The following ADGRG7 variants were observed in gnomAD, a reference collection of about 807,000 sequenced individuals.
The protein encoded by ADGRG7 is G-protein coupled receptor 128.
In ADGRG7, 82 loss-of-function variants were observed where a neutral mutation model predicts 88.6. The observed-to-expected ratio is 0.93, with a 90% CI of 0.77 to 1.11. The LOEUF (loss-of-function observed/expected upper bound fraction) is 1.11. Among genes scored for constraint, ADGRG7 ranks in the 50% most tolerant of loss-of-function variants. The pLI, the probability that ADGRG7 is intolerant of heterozygous loss-of-function variation, is 0.00. For missense variants in ADGRG7, 945 were observed against 953.4 expected, an observed-to-expected ratio of 0.99 and a Z score of 0.12; for synonymous variants, 381 against 345.2, an observed-to-expected ratio of 1.10 and a Z score of -1.15.
chr3:100,635,248 G>A (rs1257737913), intron 4 of ADGRG7, among the ~76,000 whole-genome samples: 3 of 151,808 alleles, frequency 2.0e-5, no homozygotes, highest in East Asian at 3.9e-4. Flanking sequence ...ATAAATTACT[G>A]GAAAAATGAA....
chr3:100,684,901 C>T (rs1438797720), intron 15 of ADGRG7, among the ~76,000 whole-genome samples: 2 of 152,002 alleles, frequency 1.3e-5, no homozygotes, highest in East Asian at 1.9e-4. Context: ...AGTTTAACTG[C>T]TTCTTGCAGT....
At chr3:100,626,144 G>A (rs1559671713) in intron 1 of ADGRG7, among the ~76,000 whole-genome samples, 1 of 152,074 alleles carries the variant, frequency 6.6e-6, no homozygotes. Flanking sequence ...GTGGTCCTGG[G>A]CTTTTTTTGG....
chr3:100,662,808 G>C (rs1459841904), intron 14 of ADGRG7, among the ~76,000 whole-genome samples: 1 of 151,418 alleles, frequency 6.6e-6, no homozygotes, highest in African/African-American at 2.4e-5. Flanking sequence ...CTGGAATTAT[G>C]AAAAAAACAA....
intron 1 of ADGRG7, among the ~76,000 whole-genome samples, chr3:100,618,021 G>C (rs1707250473): frequency 6.6e-6 from 1 of 152,208 alleles, no homozygotes; most frequent in Non-Finnish European, 1.5e-5. Flanking sequence ...CTTCTGTCGA[G>C]AAGTGTCTGT....
chr3:100,687,857 G>A (rs1290122087), intron 15 of ADGRG7, among the ~76,000 whole-genome samples: 1 of 152,108 alleles, frequency 6.6e-6, no homozygotes. Context: ...TTGTGTCTCT[G>A]CCAGGCTTTG....
intron 1 of ADGRG7, among the ~76,000 whole-genome samples, chr3:100,618,561 G>A (rs1707259916): frequency 6.6e-6 from 1 of 152,114 alleles, no homozygotes; most frequent in African/African-American, 2.4e-5. Context: ...GCTCTTTTCT[G>A]TTCCATTGTT....
rs118030308 is a variant in ADGRG7 at position 100,694,165 on chromosome 3, G to A, written c.2137-579G>A. Among the ~76,000 whole-genome samples, 86 of 152,336 alleles carry A rather than the reference G, an allele frequency of 5.6e-4. No individual in the cohort carries two copies. In the East Asian group the frequency reaches 0.014, roughly 24 times the overall value. On this transcript the variant is annotated intron_variant, in intron 15 of 15. Coordinates refer to ENST00000273352, the MANE Select transcript of ADGRG7 (RefSeq NM_032787.3). Reference sequence around the variant, plus strand: ...TCAAATGATGAGGATTAAGTGAAAAGCAAGGGTCTGATACTGATATGACTT... The same window carrying A: ...TCAAATGATGAGGATTAAGTGAAAAACAAGGGTCTGATACTGATATGACTT...
chr3:100,617,332 T>A (rs1707239896), intron 1 of ADGRG7, among the ~76,000 whole-genome samples: 1 of 152,032 alleles, frequency 6.6e-6, no homozygotes, highest in African/African-American at 2.4e-5. Context: ...AACTCGTCAC[T>A]TAACATTAGG....
chr3:100,627,200 G>A (rs992155586), intron 1 of ADGRG7, among the ~76,000 whole-genome samples: 3 of 152,150 alleles, frequency 2.0e-5, no homozygotes, highest in African/African-American at 7.2e-5. Context: ...TATGATATTT[G>A]TAGTAGGTTC....
chr3:100,614,354 A>C (rs542831793), intron 1 of ADGRG7, among the ~76,000 whole-genome samples: 1 of 152,372 alleles, frequency 6.6e-6, no homozygotes, highest in African/African-American at 2.4e-5. Context: ...CATCAAGAAA[A>C]ATGTTTATTA....
intron 13 of ADGRG7, among the ~76,000 whole-genome samples, chr3:100,659,004 A>G (rs1271238253): frequency 1.3e-5 from 2 of 152,182 alleles, no homozygotes; most frequent in Non-Finnish European, 2.9e-5. Flanking sequence ...ACCTCAGATG[A>G]GAAAAAAACG....
intron 5 of ADGRG7, among the ~76,000 whole-genome samples, 160 bp downstream of exon 5, chr3:100,635,986 G>A (rs150890123): frequency 2.4e-4 from 37 of 152,178 alleles, no homozygotes; most frequent in African/African-American, 1.7e-4. Context: ...CCTGAGAGAC[G>A]CTCAAAGATT....
intron 15 of ADGRG7, among the ~76,000 whole-genome samples, chr3:100,680,871 T>C (rs2094972503): frequency 6.6e-6 from 1 of 152,222 alleles, no homozygotes; most frequent in South Asian, 2.1e-4. Context: ...AGAATTTTTA[T>C]ATTCAGTCAT....
chr3:100,690,143 C>T (rs944187575), intron 15 of ADGRG7, among the ~76,000 whole-genome samples: 2 of 152,332 alleles, frequency 1.3e-5, no homozygotes, highest in African/African-American at 4.8e-5. Context: ...ATCGCTGATA[C>T]CCTTTCTTCC....
At chr3:100,657,075 T>C (rs973930545) in intron 13 of ADGRG7, among the ~76,000 whole-genome samples, 7 of 152,172 alleles carry the variant, frequency 4.6e-5, no homozygotes, top group Non-Finnish European at 7.3e-5. Flanking sequence ...GCCAACTGAC[T>C]TCAGTTTATT....
chr3:100,626,525 G>A (rs1238767060), intron 1 of ADGRG7, among the ~76,000 whole-genome samples: 2 of 152,128 alleles, frequency 1.3e-5, no homozygotes, highest in African/African-American at 2.4e-5. Context: ...GGTGGCTCAT[G>A]CCTGTAATCC....
chr3:100,625,732 C>G (rs1707371619), intron 1 of ADGRG7, among the ~76,000 whole-genome samples: 1 of 152,170 alleles, frequency 6.6e-6, no homozygotes, highest in Admixed American at 6.6e-5. Context: ...CAATTTTTAA[C>G]ATGAAGGGAT....
intron 1 of ADGRG7, among the ~76,000 whole-genome samples, chr3:100,622,867 T>G (rs1707334083): frequency 6.6e-6 from 1 of 151,822 alleles, no homozygotes; most frequent in Admixed American, 6.6e-5. Context: ...GTTCAAGCCA[T>G]CCTCCTGCCT....
chr3:100,685,168 T>C (rs1274436096), intron 15 of ADGRG7, among the ~76,000 whole-genome samples: 1 of 152,194 alleles, frequency 6.6e-6, no homozygotes, highest in Non-Finnish European at 1.5e-5. Context: ...ATTTAGTGGA[T>C]AGTTGGTAAA....
Sources: allele counts gnomAD v4.1 joint callset (sites outside exome capture counted in the v4.1 genomes callset), GRCh38; gene constraint gnomAD v4.1.1; transcripts MANE v1.5; gene names NCBI Gene and HGNC (gene_info 2026-07-23, HGNC 2026-07-21).